HFM1: variants seen among roughly 807,000 people sequenced by gnomAD.
The protein encoded by HFM1 is helicase for meiosis 1.
HFM1 carries 169 observed loss-of-function variants against 192.1 expected under a neutral mutation model. That is an observed-to-expected ratio of 0.88 (90% CI 0.78 to 1.00). HFM1 has a LOEUF of 1.00. Ranked by LOEUF, HFM1 falls within the 50% of genes least tolerant of loss-of-function variation. HFM1 has a pLI of 0.00. For synonymous variants in HFM1, 525 were observed against 537.8 expected (o/e 0.98, Z 0.33); for missense variants, 1,661 against 1,668.0 (o/e 1.00, Z 0.07).
chr1:91,334,717 T>TC (rs1654325032), intron 20 of HFM1, among the ~76,000 whole-genome samples: 1 of 151,832 alleles, frequency 6.6e-6, no homozygotes, highest in African/African-American at 2.4e-5. Flanking sequence ...GATCATGAGG[T>TC]CAGGAGTTCG....
intron 4 of HFM1, among the ~76,000 whole-genome samples, chr1:91,390,448 AG>A (rs1434008527): frequency 3.3e-5 from 5 of 151,022 alleles, no homozygotes; most frequent in Admixed American, 6.7e-5. Context: ...AAAAAAAAAA[AG>A]AGAGAAAGAA....
At chr1:91,346,611 T>G (rs1348297417) in intron 19 of HFM1, among the ~76,000 whole-genome samples, 3 of 152,244 alleles carry the variant, frequency 2.0e-5, no homozygotes, top group Non-Finnish European at 4.4e-5. Context: ...ATATTTTCTT[T>G]TACTAAGGAG....
rs201248739 is a variant in HFM1, at chr1:91,290,142, C to T, written c.3392-13080G>A. On this transcript the variant is annotated intron_variant, in intron 30 of 38. Coordinates refer to ENST00000370425, the MANE Select transcript of HFM1 (RefSeq NM_001017975.6). ...GAGACTAGGAAGAAAACTGCATCAA[C>T]TAACAAGCAAAATAACCAGCTAACA... Among the ~76,000 whole-genome samples the T allele has an allele frequency of 2.6e-4, 40 of 152,110 alleles. No homozygotes were observed. The East Asian group carries it at 7.2e-3, about 27-fold the overall frequency.
intron 2 of HFM1, among the ~76,000 whole-genome samples, chr1:91,398,005 A>T (rs1450414832): frequency 6.6e-6 from 1 of 152,230 alleles, no homozygotes; most frequent in Non-Finnish European, 1.5e-5. Flanking sequence ...TGTTCAACAT[A>T]AACCACACTA....
At chr1:91,273,664 T>C in intron 34 of HFM1, 48 bp downstream of exon 34, 1 of 948,798 alleles carries the variant, frequency 1.1e-6, no homozygotes, top group Admixed American at 2.0e-5. Context: ...CAATTCAAAG[T>C]AATAATAAGC....
At chr1:91,324,532 T>C (rs1652594336) in intron 21 of HFM1, 143 bp downstream of exon 21, 1 of 582,186 alleles carries the variant, frequency 1.7e-6, no homozygotes, top group African/African-American at 1.9e-5. Context: ...TGATCAGAAT[T>C]ATACCAGAGG....
At chr1:91,343,935 GTTTTC>G (rs1260315822) in intron 19 of HFM1, among the ~76,000 whole-genome samples, 1 of 152,126 alleles carries the variant, frequency 6.6e-6, no homozygotes, top group Non-Finnish European at 1.5e-5. Context: ...TAAGGCAATA[GTTTTC>G]TTTTTCTTTT....
intron 13 of HFM1, among the ~76,000 whole-genome samples, chr1:91,372,210 C>G (rs1487370566): frequency 5.9e-5 from 9 of 152,178 alleles, no homozygotes; most frequent in Admixed American, 5.9e-4. Flanking sequence ...ACTAGAAATA[C>G]CATTTGATCC....
intron 30 of HFM1, among the ~76,000 whole-genome samples, chr1:91,297,238 C>A (rs186992436): frequency 6.6e-6 from 1 of 152,002 alleles, no homozygotes; most frequent in Admixed American, 6.6e-5. Context: ...GCAGCGAGTC[C>A]GGGGGAGGGG....
intron 30 of HFM1, among the ~76,000 whole-genome samples, chr1:91,296,554 GACA>G (rs1024508007): frequency 2.0e-5 from 3 of 151,936 alleles, no homozygotes; most frequent in African/African-American, 7.3e-5. Flanking sequence ...AAAAAAAAAT[GACA>G]ACAACAACAA....
At chr1:91,263,002 A>G (rs1195848683) in intron 36 of HFM1, among the ~76,000 whole-genome samples, 2 of 152,144 alleles carry the variant, frequency 1.3e-5, no homozygotes, top group African/African-American at 4.8e-5. Flanking sequence ...GTATAGAAGA[A>G]TTTACTCTGA....
chr1:91,269,565 T>C (rs1183128987), intron 34 of HFM1, among the ~76,000 whole-genome samples: 1 of 152,140 alleles, frequency 6.6e-6, no homozygotes, highest in East Asian at 1.9e-4. Flanking sequence ...ACTCTACTTT[T>C]GTATGTTGAT....
chr1:91,281,121 G>A (rs546295904), intron 30 of HFM1, among the ~76,000 whole-genome samples: 1 of 152,334 alleles, frequency 6.6e-6, no homozygotes, highest in East Asian at 1.9e-4. Context: ...AGATAAGACA[G>A]AAAGGATGCA....
intron 13 of HFM1, among the ~76,000 whole-genome samples, chr1:91,369,000 G>A (rs1211797406): frequency 6.6e-6 from 1 of 152,212 alleles, no homozygotes; most frequent in African/African-American, 2.4e-5. Context: ...AAGAGGCAAA[G>A]AAGACTATTA....
At chr1:91,280,581 C>CCTTGCAGAAGACCCTCGAT (rs1667371070) in intron 30 of HFM1, among the ~76,000 whole-genome samples, 2 of 152,232 alleles carry the variant, frequency 1.3e-5, no homozygotes, top group Non-Finnish European at 2.9e-5. Flanking sequence ...TTGCTCCATA[C>CCTTGCAGAAGACCCTCGAT]CTTGCAGAAG....
chr1:91,356,374 G>A (rs570846821), intron 13 of HFM1, among the ~76,000 whole-genome samples: 16 of 151,974 alleles, frequency 1.1e-4, no homozygotes, highest in African/African-American at 3.9e-4. Context: ...CTCCTGAGTA[G>A]CTGGGATTAC....
At chr1:91,339,045 A>C in intron 20 of HFM1, 3 of 455,306 alleles carry the variant, frequency 6.6e-6, no homozygotes, top group South Asian at 4.7e-5. Context: ...AAACAAAGCC[A>C]GTCAACTAAA....
rs763202322 is a variant in HFM1 at position 91,322,968 on chromosome 1, CTT to C, written c.2562_2563del (p.Glu856AsnfsTer56). ...TCTTTACCAATTTACTTTCATTTCT[CTT>C]GTTTTAATTCTTCCTTCCATTGGAA... On this transcript the variant is annotated frameshift_variant, in exon 23 of 39. Transcript: ENST00000370425. LOFTEE classifies it high-confidence loss of function. 16 of 1,371,502 alleles carry C rather than the reference CTT, an allele frequency of 1.2e-5. No individual in the cohort carries two copies. The highest frequency in any genetic ancestry group is 1.6e-5 in the Non-Finnish European group (16 of 1,022,848). The allele number at this position is 1,371,502 out of a possible 1,614,324, so 85.0% of individuals were successfully genotyped here.
At chr1:91,288,525 T>G (rs1668301784) in intron 30 of HFM1, among the ~76,000 whole-genome samples, 1 of 152,030 alleles carries the variant, frequency 6.6e-6, no homozygotes, top group South Asian at 2.1e-4. Context: ...AGGGCCCTGC[T>G]GCCTTCCCTA....
Sources: gnomAD v4.1 joint callset for allele counts (sites outside exome capture counted in the v4.1 genomes callset) on GRCh38, gnomAD v4.1.1 for gene constraint, MANE v1.5 for transcripts, NCBI Gene and HGNC (gene_info 2026-07-23, HGNC 2026-07-21) for gene names.